SGCZ: variants seen among roughly 807,000 people sequenced by gnomAD.
SGCZ encodes the protein sarcoglycan zeta, also known as zeta-sarcoglycan.
Under a neutral mutation model 41.3 loss-of-function variants are expected in SGCZ, and 40 were observed. The ratio of observed to expected loss-of-function variants is 0.97; its 90% CI spans 0.75 to 1.26. The LOEUF is 1.26. SGCZ is among the 50% of genes most tolerant of loss of function. The probability of loss-of-function intolerance (pLI) is 0.00; values close to 1 mark genes in which losing one functional copy is unlikely to be tolerated. For missense variants in SGCZ, 552 were observed against 369.8 expected (o/e 1.49, Z -4.04); for synonymous variants, 206 against 137.5 (o/e 1.50, Z -3.49).
intron 2 of SGCZ, among the ~76,000 whole-genome samples, chr8:14,511,165 C>T (rs1329886207): frequency 6.6e-6 from 1 of 151,744 alleles, no homozygotes; most frequent in Non-Finnish European, 1.5e-5. Flanking sequence ...AAATGTATGC[C>T]ATGGGCTCTA....
In SGCZ at chr8:14,843,147, G is replaced by C. The variant is rs565601244; in HGVS notation, c.40-288221C>G. Reference sequence around the variant, plus strand: ...GAATTGCTTGAACCCAGGAGGTGGAGGTTGCAGTGAGCTGAGATTGCACCA... The same window carrying C: ...GAATTGCTTGAACCCAGGAGGTGGACGTTGCAGTGAGCTGAGATTGCACCA... On this transcript the variant is annotated intron_variant, in intron 1 of 7. Coordinates refer to ENST00000382080, the MANE Select transcript of SGCZ (RefSeq NM_139167.4). Among the ~76,000 whole-genome samples, 5 of 152,278 alleles carry C rather than the reference G, an allele frequency of 3.3e-5. No homozygotes were observed. In the South Asian group the frequency reaches 1.0e-3, roughly 32 times the overall value.
At chr8:14,217,647 T>C (rs1471605771) in intron 4 of SGCZ, among the ~76,000 whole-genome samples, 1 of 131,146 alleles carries the variant, frequency 7.6e-6, no homozygotes, top group Non-Finnish European at 1.8e-5. Flanking sequence ...TTTTTTTTTT[T>C]TTTTGAGACA....
intron 2 of SGCZ, among the ~76,000 whole-genome samples, chr8:14,489,866 C>CATTTTTTTTTTTTTTTTTTTTTTTTTT (rs142314868): frequency 7.3e-6 from 1 of 137,480 alleles, no homozygotes; most frequent in African/African-American, 2.9e-5. Context: ...AATTCTCCTA[C>CATTTTTTTTTTTTTTTTTTTTTTTTTT]CTTTTTTTTT....
intron 5 of SGCZ, among the ~76,000 whole-genome samples, chr8:14,118,463 C>G (rs894178788): frequency 6.6e-6 from 1 of 151,970 alleles, no homozygotes; most frequent in Admixed American, 6.6e-5. Context: ...GGATATTAGC[C>G]CTTTGTCAGA....
chr8:14,534,155 G>C (rs943398042), intron 2 of SGCZ, among the ~76,000 whole-genome samples: 4 of 151,964 alleles, frequency 2.6e-5, no homozygotes, highest in African/African-American at 9.7e-5. Context: ...CTGAAGTGTT[G>C]AGGCCAGAGA....
At position 14,859,242 on chromosome 8, in the gene SGCZ, C is replaced by T. The variant is rs1418396343; in HGVS notation, c.40-304316G>A. 2.0e-5 allele frequency among the ~76,000 whole-genome samples: 3 copies of T among 152,196 alleles called. No individual in the cohort carries two copies. In the South Asian group the frequency reaches 6.2e-4, roughly 32 times the overall value. ...GATTCAATAAAAGCAGTCTTTATCA[C>T]TGCTTTATCAAGGATATTCTCAAGC... On this transcript the variant is annotated intron_variant, in intron 1 of 7. Coordinates refer to ENST00000382080, the MANE Select transcript of SGCZ (RefSeq NM_139167.4).
intron 3 of SGCZ, among the ~76,000 whole-genome samples, chr8:14,292,030 GGGCAAT>G (rs1324757529): frequency 6.6e-6 from 1 of 151,906 alleles, no homozygotes; most frequent in Non-Finnish European, 1.5e-5. Flanking sequence ...ATATTTTACT[GGGCAAT>G]GTAATAGGTG....
At chr8:14,844,019 AAAT>A (rs2130634488) in intron 1 of SGCZ, among the ~76,000 whole-genome samples, 1 of 151,034 alleles carries the variant, frequency 6.6e-6, no homozygotes, top group African/African-American at 2.4e-5. Flanking sequence ...TATATCATAT[AAAT>A]AATATTTATA....
intron 1 of SGCZ, among the ~76,000 whole-genome samples, chr8:14,919,985 T>C (rs1367491610): frequency 6.6e-6 from 1 of 152,168 alleles, no homozygotes; most frequent in African/African-American, 2.4e-5. Context: ...TATTTTTACA[T>C]CGTTGCATGC....
intron 1 of SGCZ, among the ~76,000 whole-genome samples, chr8:14,916,243 T>A (rs1281880550): frequency 6.6e-6 from 1 of 152,190 alleles, no homozygotes; most frequent in Non-Finnish European, 1.5e-5. Flanking sequence ...TACCTTAAGA[T>A]TATATAATGT....
At chr8:14,163,233 T>C (rs1017909261) in intron 5 of SGCZ, among the ~76,000 whole-genome samples, 8 of 152,124 alleles carry the variant, frequency 5.3e-5, no homozygotes, top group African/African-American at 1.4e-4. Context: ...ACTTGTGTCG[T>C]GGGGGTTTAT....
At chr8:15,182,246 A>C (rs1800200744) in intron 1 of SGCZ, among the ~76,000 whole-genome samples, 1 of 152,236 alleles carries the variant, frequency 6.6e-6, no homozygotes, top group South Asian at 2.1e-4. Flanking sequence ...CAACAAACCT[A>C]GATTATCAAA....
intron 2 of SGCZ, among the ~76,000 whole-genome samples, chr8:14,517,372 A>G (rs543174470): frequency 4.1e-4 from 62 of 152,094 alleles, no homozygotes; most frequent in Non-Finnish European, 7.9e-4. Context: ...AACATCTAAT[A>G]AACTACACTT....
At chr8:14,371,410 G>C (rs370877122) in intron 2 of SGCZ, among the ~76,000 whole-genome samples, 3 of 152,042 alleles carry the variant, frequency 2.0e-5, no homozygotes, top group Non-Finnish European at 4.4e-5. Flanking sequence ...AATAACCTTT[G>C]CTGTAACAAT....
chr8:14,781,135 T>TG (rs1800575536), intron 1 of SGCZ, among the ~76,000 whole-genome samples: 1 of 152,210 alleles, frequency 6.6e-6, no homozygotes, highest in Non-Finnish European at 1.5e-5. Flanking sequence ...ATTAGAAACA[T>TG]GGCTTATTGA....
chr8:14,783,944 T>C (rs1800669914), intron 1 of SGCZ, among the ~76,000 whole-genome samples: 2 of 152,190 alleles, frequency 1.3e-5, no homozygotes, highest in African/African-American at 4.8e-5. Flanking sequence ...TGAAGAATCA[T>C]TCTTGTTCTT....
At chr8:14,576,037 A>C (rs1804701027) in intron 1 of SGCZ, among the ~76,000 whole-genome samples, 1 of 152,214 alleles carries the variant, frequency 6.6e-6, no homozygotes, top group African/African-American at 2.4e-5. Flanking sequence ...TACTGTACCA[A>C]CATCCTCACA....
At chr8:14,647,943 G>A (rs1807276624) in intron 1 of SGCZ, among the ~76,000 whole-genome samples, 1 of 151,972 alleles carries the variant, frequency 6.6e-6, no homozygotes, top group Non-Finnish European at 1.5e-5. Context: ...TGGGGAGACA[G>A]TTCTATTTAA....
chr8:14,438,098 G>C (rs1800144322), intron 2 of SGCZ, among the ~76,000 whole-genome samples: 1 of 150,222 alleles, frequency 6.7e-6, no homozygotes, highest in Non-Finnish European at 1.5e-5. Context: ...GGGTATTTTA[G>C]AGCCAACGCT....
Sources: gnomAD v4.1 joint callset for allele counts (sites outside exome capture counted in the v4.1 genomes callset) on GRCh38, gnomAD v4.1.1 for gene constraint, MANE v1.5 for transcripts, NCBI Gene and HGNC (gene_info 2026-07-23, HGNC 2026-07-21) for gene names.